The following KCNIP4 variants were observed in gnomAD, a reference collection of about 807,000 sequenced individuals.
The protein encoded by KCNIP4 is Kv channel-interacting protein 4.
Under a neutral mutation model 34.0 loss-of-function variants are expected in KCNIP4, and 12 were observed. The observed-to-expected ratio is 0.35, with a 90% CI of 0.23 to 0.57. KCNIP4 has a LOEUF of 0.57. Among genes scored for constraint, KCNIP4 ranks in the 20% least tolerant of loss-of-function variants. The probability of loss-of-function intolerance (pLI) is 0.83; values close to 1 mark genes in which losing one functional copy is unlikely to be tolerated. For missense variants in KCNIP4, 238 were observed against 311.7 expected (o/e 0.76, Z 1.78); for synonymous variants, 124 against 102.2 (o/e 1.21, Z -1.29).
rs28558264 is a variant in KCNIP4 at position 20,908,370 on chromosome 4, C to T, written c.62-25661G>A. 8.0e-3 allele frequency among the ~76,000 whole-genome samples: 1,214 copies of T among 152,328 alleles called. 18 individuals carry two copies. The highest frequency in any genetic ancestry group is 0.028 in the African/African-American group (1,149 of 41,576). Reference sequence around the variant, plus strand: ...GCCTCAGCCTCCCAAAGTGGGATTACAGGCGTGAACCACCGCACCCGGCCT... The same window carrying T: ...GCCTCAGCCTCCCAAAGTGGGATTATAGGCGTGAACCACCGCACCCGGCCT... On this transcript the variant is annotated intron_variant, in intron 1 of 8. Coordinates refer to ENST00000382152, the MANE Select transcript of KCNIP4 (RefSeq NM_025221.6).
At chr4:21,567,831 C>T (rs1194015193) in intron 1 of KCNIP4, among the ~76,000 whole-genome samples, 1 of 152,032 alleles carries the variant, frequency 6.6e-6, no homozygotes. Flanking sequence ...TATCAAGTAG[C>T]GTGAGTGATA....
At chr4:20,783,230 T>C (rs1757019021) in intron 3 of KCNIP4, among the ~76,000 whole-genome samples, 1 of 152,218 alleles carries the variant, frequency 6.6e-6, no homozygotes, top group Non-Finnish European at 1.5e-5. Flanking sequence ...TCCTGTCATC[T>C]TCTGAGCCCT....
intron 1 of KCNIP4, among the ~76,000 whole-genome samples, chr4:21,093,185 A>G (rs114133070): frequency 1.3e-3 from 199 of 152,334 alleles, no homozygotes; most frequent in African/African-American, 4.6e-3. Context: ...TGTGAGTTGT[A>G]CATGACCCTT....
intron 1 of KCNIP4, among the ~76,000 whole-genome samples, chr4:21,584,837 A>C (rs1306568604): frequency 6.6e-6 from 1 of 152,098 alleles, no homozygotes; most frequent in Non-Finnish European, 1.5e-5. Context: ...TGCGAATTTG[A>C]AGGAAGATGA....
At chr4:21,749,743 A>G (rs1006683213) in intron 1 of KCNIP4, among the ~76,000 whole-genome samples, 12 of 152,002 alleles carry the variant, frequency 7.9e-5, no homozygotes, top group African/African-American at 2.9e-4. Context: ...ACTCTTCCAC[A>G]TCTTTGGGTA....
At chr4:20,928,407 T>G (rs542288522) in intron 1 of KCNIP4, among the ~76,000 whole-genome samples, 3 of 151,818 alleles carry the variant, frequency 2.0e-5, no homozygotes, top group Non-Finnish European at 4.4e-5. Context: ...AAAGGGAAGT[T>G]AAAAAATATT....
At chr4:21,682,834 G>C (rs151114459) in intron 1 of KCNIP4, among the ~76,000 whole-genome samples, 1 of 152,084 alleles carries the variant, frequency 6.6e-6, no homozygotes. Context: ...TATTGATTAC[G>C]TTCACTGTCT....
intron 1 of KCNIP4, among the ~76,000 whole-genome samples, chr4:21,758,840 C>T (rs969503860): frequency 2.6e-5 from 4 of 152,072 alleles, no homozygotes; most frequent in Non-Finnish European, 5.9e-5. Context: ...TGGTTAAAAC[C>T]TCCACTGCCC....
At chr4:21,545,884 C>T (rs1405890622) in intron 1 of KCNIP4, among the ~76,000 whole-genome samples, 3 of 152,024 alleles carry the variant, frequency 2.0e-5, no homozygotes, top group East Asian at 1.9e-4. Context: ...TTTATAATCT[C>T]TAAGGTATAT....
chr4:20,899,914 G>A (rs2149550130), intron 1 of KCNIP4, among the ~76,000 whole-genome samples: 1 of 152,252 alleles, frequency 6.6e-6, no homozygotes, highest in South Asian at 2.1e-4. Flanking sequence ...AAACACAGTG[G>A]AACTAAATTT....
At chr4:21,406,081 C>T (rs553410988) in intron 1 of KCNIP4, among the ~76,000 whole-genome samples, 6 of 152,130 alleles carry the variant, frequency 3.9e-5, no homozygotes, top group South Asian at 2.1e-4. Context: ...GTGATCCACC[C>T]GCCTCAGCTT....
rs1036019222 is a variant in KCNIP4, at chr4:20,820,790, A to G, written c.288+29753T>C. Among the ~76,000 whole-genome samples the G allele has an allele frequency of 2.0e-5, 3 of 152,202 alleles. No homozygotes were observed. In the East Asian group the frequency reaches 5.8e-4, roughly 29 times the overall value. On this transcript the variant is annotated intron_variant, in intron 3 of 8. Coordinates refer to ENST00000382152, the MANE Select transcript of KCNIP4 (RefSeq NM_025221.6). ...ACTTTGAGGCTTACTACCCAGGGCC[A>G]ACTCAATTTCTGCTCCACCCATTCC...
At chr4:21,502,813 C>G (rs989854157) in intron 1 of KCNIP4, among the ~76,000 whole-genome samples, 1 of 152,138 alleles carries the variant, frequency 6.6e-6, no homozygotes, top group Non-Finnish European at 1.5e-5. Flanking sequence ...CTCACTATAA[C>G]CCTTAGCATG....
intron 1 of KCNIP4, among the ~76,000 whole-genome samples, chr4:21,214,626 C>G (rs926648634): frequency 3.3e-5 from 5 of 152,096 alleles, no homozygotes; most frequent in African/African-American, 1.2e-4. Context: ...GGACAAAAGG[C>G]CTTACCATTG....
chr4:21,638,580 G>A (rs1746391474), intron 1 of KCNIP4, among the ~76,000 whole-genome samples: 1 of 152,134 alleles, frequency 6.6e-6, no homozygotes, highest in African/African-American at 2.4e-5. Context: ...GTAAATGCAA[G>A]CAAATTACTA....
intron 1 of KCNIP4, among the ~76,000 whole-genome samples, chr4:21,833,443 T>G (rs1439798611): frequency 6.6e-6 from 1 of 152,094 alleles, no homozygotes; most frequent in Non-Finnish European, 1.5e-5. Context: ...GGGTTGTTTG[T>G]TTTTTTCTTG....
At chr4:21,175,565 C>G (rs1754346479) in intron 1 of KCNIP4, among the ~76,000 whole-genome samples, 1 of 152,154 alleles carries the variant, frequency 6.6e-6, no homozygotes. Flanking sequence ...TATGGCTTCT[C>G]ATTGGAATAT....
chr4:21,775,719 T>A (rs1402242164), intron 1 of KCNIP4, among the ~76,000 whole-genome samples: 1 of 152,210 alleles, frequency 6.6e-6, no homozygotes, highest in African/African-American at 2.4e-5. Flanking sequence ...GGATAAGGTT[T>A]ATGCCTGAAG....
intron 1 of KCNIP4, among the ~76,000 whole-genome samples, chr4:21,254,964 T>C (rs117825344): frequency 0.022 from 3,283 of 152,268 alleles, 82 homozygotes; most frequent in East Asian, 0.16. Context: ...ACTCATCAAC[T>C]GATGAACCAC....
Sources: gnomAD v4.1 joint callset for allele counts (sites outside exome capture counted in the v4.1 genomes callset) on GRCh38, gnomAD v4.1.1 for gene constraint, MANE v1.5 for transcripts, NCBI Gene and HGNC (gene_info 2026-07-23, HGNC 2026-07-21) for gene names.